STRBP: variants seen among roughly 807,000 people sequenced by gnomAD.
The protein encoded by STRBP is spermatid perinuclear RNA binding protein, also known as spermatid perinuclear RNA-binding protein.
In STRBP, 13 loss-of-function variants were observed where a neutral mutation model predicts 80.1. The observed-to-expected ratio is 0.16, with a 90% CI of 0.11 to 0.26. The LOEUF (loss-of-function observed/expected upper bound fraction) is 0.26. STRBP is among the 10% of genes least tolerant of loss of function. The probability of loss-of-function intolerance (pLI) is 1.00; values close to 1 mark genes in which losing one functional copy is unlikely to be tolerated. For missense variants in STRBP, 485 were observed against 815.2 expected (o/e 0.59, Z 4.93); for synonymous variants, 284 against 291.2 (o/e 0.98, Z 0.25).
chr9:123,259,844 T>C (rs2041122866), intron 1 of STRBP, among the ~76,000 whole-genome samples: 1 of 152,212 alleles, frequency 6.6e-6, no homozygotes, highest in Non-Finnish European at 1.5e-5. Flanking sequence ...CAATCTGGTA[T>C]CCTAGAAACC....
At chr9:123,233,817 T>G (rs907563485) in intron 2 of STRBP, among the ~76,000 whole-genome samples, 9 of 152,166 alleles carry the variant, frequency 5.9e-5, no homozygotes, top group African/African-American at 1.9e-4. Context: ...AATAGGTGAC[T>G]CTCCTTTCAT....
chr9:123,226,044 A>G (rs2040225201), intron 2 of STRBP, among the ~76,000 whole-genome samples: 1 of 152,228 alleles, frequency 6.6e-6, no homozygotes, highest in South Asian at 2.1e-4. Context: ...TCAACTGGTA[A>G]ATGAATAAAC....
intron 2 of STRBP, among the ~76,000 whole-genome samples, chr9:123,212,174 A>G (rs59431019): frequency 2.0e-5 from 3 of 152,344 alleles, no homozygotes; most frequent in East Asian, 3.9e-4. Context: ...ATGCACGTGT[A>G]TACATTTAAC....
intron 2 of STRBP, among the ~76,000 whole-genome samples, chr9:123,200,037 T>TCCC (rs759422699): frequency 6.6e-6 from 1 of 152,192 alleles, no homozygotes; most frequent in Non-Finnish European, 1.5e-5. Flanking sequence ...TTAAGGTAGG[T>TCCC]CCCTTCCATG....
At position 123,122,862 on chromosome 9, in the gene STRBP, A is replaced by C. The variant is rs2035774866; in HGVS notation, c.*2735T>G. 1 of 985,546 alleles carries C rather than the reference A, an allele frequency of 1.0e-6. No homozygotes were observed. Among genetic ancestry groups the C allele is most frequent in the Admixed American group, 6.1e-5 (1 of 16,278 alleles). 61.1% of individuals were successfully genotyped at this position (985,546 alleles called of 1,614,324 possible). ...CACGCTAATTTTAAGCTCTACACTG[A>C]CCTGTAAACTCCCTGACAAGAAACT... On this transcript the variant is annotated 3_prime_UTR_variant, in exon 19 of 19. Coordinates refer to ENST00000348403, the MANE Select transcript of STRBP (RefSeq NM_018387.5).
chr9:123,183,803 A>G (rs537616976), intron 3 of STRBP, among the ~76,000 whole-genome samples: 2 of 152,176 alleles, frequency 1.3e-5, no homozygotes, highest in African/African-American at 4.8e-5. Context: ...TTTCCACAAG[A>G]AAAAAAACTG....
At position 123,123,647 on chromosome 9, in the gene STRBP, A is replaced by G. The variant is rs2035800137; in HGVS notation, c.*1950T>C. ...AGCGCGTGAGTTATGAAGCAGAGTCAGCTACTTCAAAAGAATTTTCTAACG... is the reference window on the plus strand; with the variant it reads ...AGCGCGTGAGTTATGAAGCAGAGTCGGCTACTTCAAAAGAATTTTCTAACG... On this transcript the variant is annotated 3_prime_UTR_variant, in exon 19 of 19. Transcript: ENST00000348403. 2.0e-6 allele frequency: 2 copies of G among 985,326 alleles called. No homozygotes were observed. The highest frequency in any genetic ancestry group is 9.4e-5 in the South Asian group (2 of 21,294). The allele number at this position is 985,326 out of a possible 1,614,324, so 61.0% of individuals were successfully genotyped here. A position where few individuals can be genotyped will look rare whatever the true frequency, so the allele number is the denominator to read the frequency against.
chr9:123,184,640 T>G (rs1386511482), intron 2 of STRBP, among the ~76,000 whole-genome samples: 1 of 152,212 alleles, frequency 6.6e-6, no homozygotes, highest in Non-Finnish European at 1.5e-5. Flanking sequence ...CATTAGATTT[T>G]CAATCAGAAA....
intron 2 of STRBP, among the ~76,000 whole-genome samples, chr9:123,220,946 G>A (rs1020295216): frequency 5.3e-5 from 8 of 151,964 alleles, no homozygotes; most frequent in East Asian, 1.9e-4. Flanking sequence ...ATGACATCAC[G>A]TTAATTCTTG....
rs747843541 is a variant in STRBP, at chr9:123,136,344, GAAGA to G, written c.1632+33_1632+36del. On this transcript the variant is annotated intron_variant, in intron 15 of 18. Transcript: ENST00000348403. This position sits in a 1 kb window ranked among gnomAD's most constrained non-coding sequence, Gnocchi z 4.2. ...AGTTCAGGATATCCTATGTCTTTGA[GAAGA>G]AAGATAAGGCTGGCTTGTGTCTGGG... The G allele has an allele frequency of 4.3e-6, 7 of 1,610,610 alleles. No individual in the cohort carries two copies. In the Admixed American group the frequency reaches 1.0e-4, roughly 23 times the overall value.
chr9:123,253,262 T>C (rs187300644), intron 1 of STRBP, among the ~76,000 whole-genome samples: 41 of 152,364 alleles, frequency 2.7e-4, no homozygotes, highest in Admixed American at 2.7e-3. Context: ...TTCTTCTAAT[T>C]GTTCATGATA....
At chr9:123,165,405 C>T (rs2037712213) in intron 6 of STRBP, among the ~76,000 whole-genome samples, 1 of 152,066 alleles carries the variant, frequency 6.6e-6, no homozygotes, top group Non-Finnish European at 1.5e-5. Flanking sequence ...TGCCTTGACC[C>T]TAGCAAGACA....
intron 2 of STRBP, among the ~76,000 whole-genome samples, chr9:123,215,797 TA>T (rs2039878603): frequency 6.6e-6 from 1 of 152,054 alleles, no homozygotes; most frequent in Admixed American, 6.5e-5. Context: ...AAAAATAAAA[TA>T]AATAAATTCA....
intron 2 of STRBP, among the ~76,000 whole-genome samples, chr9:123,204,923 C>CAAAAAAAAAAAAAAAAAAAAAAAAA (rs34576355): frequency 1.8e-5 from 1 of 54,568 alleles, no homozygotes; most frequent in Non-Finnish European, 4.0e-5. Context: ...GACTCCATCT[C>CAAAAAAAAAAAAAAAAAAAAAAAAA]AAAAAAAAAA....
At chr9:123,189,598 C>G (rs1319934079) in intron 2 of STRBP, among the ~76,000 whole-genome samples, 1 of 151,704 alleles carries the variant, frequency 6.6e-6, no homozygotes, top group African/African-American at 2.4e-5. Context: ...ATCACAAGGA[C>G]AGAAAACCAA....
At position 123,189,710 on chromosome 9, in the gene STRBP, C is replaced by T. The variant is rs1385552891; in HGVS notation, c.-164-5412G>A. Among the ~76,000 whole-genome samples the T allele has an allele frequency of 4.7e-5, 7 of 149,754 alleles. No individual in the cohort carries two copies. In the South Asian group the frequency reaches 6.4e-4, roughly 14 times the overall value. On this transcript the variant is annotated intron_variant, in intron 2 of 18. Coordinates refer to ENST00000348403, the MANE Select transcript of STRBP (RefSeq NM_018387.5). ...CCAGGGCCTGTCGTGGGGTGGGGGG[C>T]TGGGGGAGGGATAGCATTAGGAGAA...
At chr9:123,130,354 T>TC (rs1471189450) in intron 17 of STRBP, among the ~76,000 whole-genome samples, 2 of 152,112 alleles carry the variant, frequency 1.3e-5, no homozygotes, top group Non-Finnish European at 2.9e-5. Context: ...TAAAATAACT[T>TC]CATTTTTAAA....
intron 1 of STRBP, among the ~76,000 whole-genome samples, chr9:123,244,652 T>C (rs2040763594): frequency 6.6e-6 from 1 of 152,206 alleles, no homozygotes; most frequent in South Asian, 2.1e-4. Flanking sequence ...ATAGTATTGA[T>C]GTCAAACGCT....
At chr9:123,243,104 T>C (rs2040728775) in intron 1 of STRBP, among the ~76,000 whole-genome samples, 1 of 152,048 alleles carries the variant, frequency 6.6e-6, no homozygotes, top group African/African-American at 2.4e-5. Flanking sequence ...GTGGTATTGG[T>C]AGACGGACAG....
Sources: gnomAD v4.1 joint callset for allele counts (sites outside exome capture counted in the v4.1 genomes callset) on GRCh38, gnomAD v4.1.1 for gene constraint, Gnocchi (gnomAD v3.1) non-coding constraint, MANE v1.5 for transcripts, NCBI Gene and HGNC (gene_info 2026-07-23, HGNC 2026-07-21) for gene names.